Variants in SEMA6C observed in about 807,000 individuals in gnomAD.
SEMA6C encodes the protein semaphorin-6C.
SEMA6C carries 37 observed loss-of-function variants against 72.9 expected under a neutral mutation model. The ratio of observed to expected loss-of-function variants is 0.51; its 90% CI spans 0.39 to 0.67. SEMA6C has a LOEUF of 0.67. Among genes scored for constraint, SEMA6C ranks in the 30% least tolerant of loss-of-function variants. The pLI is 0.00. For synonymous variants in SEMA6C, 578 were observed against 554.1 expected (o/e 1.04, Z -0.61); for missense variants, 1,189 against 1,263.6 (o/e 0.94, Z 0.89).
At position 151,137,089 on chromosome 1, in the gene SEMA6C, T is replaced by A. The variant is rs932401656; in HGVS notation, c.757-15A>T. The A allele has an allele frequency of 1.2e-6, 2 of 1,608,498 alleles. No individual in the cohort carries two copies. Among genetic ancestry groups the A allele is most frequent in the Non-Finnish European group, 1.7e-6 (2 of 1,177,522 alleles). The stretch of plus-strand genomic sequence containing the variant: ...GAGAACTGCACCTAGGGGAGGAGAG[T>A]GGAGTAGACAATGGTGAGACAGACC... On this transcript the variant is annotated splice_polypyrimidine_tract_variant and intron_variant, in intron 10 of 18. Coordinates refer to ENST00000368914, the MANE Select transcript of SEMA6C (RefSeq NM_030913.6).
chr1:151,133,249 C>T lies in SEMA6C; in HGVS notation c.2028G>A (p.Thr676=). 1 of 1,573,848 alleles carries T rather than the reference C, an allele frequency of 6.4e-7. No homozygotes were observed. Among genetic ancestry groups the T allele is most frequent in the Non-Finnish European group, 8.6e-7 (1 of 1,165,752 alleles). Residue 676 remains threonine (T), a synonymous_variant, in exon 19 of 19, where the codon ACG becomes ACA. Coordinates refer to ENST00000368914, the MANE Select transcript of SEMA6C (RefSeq NM_030913.6). This position sits in a 1 kb window ranked among gnomAD's most constrained non-coding sequence, Gnocchi z 5.9. ...GCAGGAAGGTGGTGTAGAGCTGCGG[C>T]GTCTGCACCGCGTCCCCGTCCTTGG... The part of the protein sequence containing the change: ...PPSKDGDAVQ[T]PQLYTTFLPP...
At chr1:151,139,836 C>T in intron 4 of SEMA6C, 135 bp from the exon 5 acceptor site, 1 of 1,227,940 alleles carries the variant, frequency 8.1e-7, no homozygotes, top group South Asian at 1.4e-5. Context: ...GGCATTTGTG[C>T]TCTGGGTCCA....
Position 151,143,030 on chromosome 1 carries a change from G to A in SEMA6C, c.-54-355C>T, listed in dbSNP as rs587635907. Among the ~76,000 whole-genome samples the A allele has an allele frequency of 7.2e-5, 11 of 152,300 alleles. No individual in the cohort carries two copies. The East Asian group carries it at 1.9e-3, about 27-fold the overall frequency. On this transcript the variant is annotated intron_variant, in intron 2 of 18. Transcript: ENST00000368914. The stretch of plus-strand genomic sequence containing the variant: ...TAACCCCTTCTCAGCTATAATTAGA[G>A]ACTGAAGCCTTAAAATTATAAATAG...
In SEMA6C at chr1:151,138,041, G is replaced by C. The variant is rs1326933491; in HGVS notation, c.612C>G (p.Ser204Arg). The C allele has an allele frequency of 6.2e-7, 1 of 1,614,072 alleles. No homozygotes were observed. Among genetic ancestry groups the C allele is most frequent in the African/African-American group, 1.3e-5 (1 of 74,924 alleles). ...AGCGGAGTGGGGGCTGGGGCCCAAG[G>C]CTTCTGTAAACTACAGCATCACTGG... ...FQASDAVVYRSLGPQPPLRSA... is the reference protein window; with the variant it reads ...FQASDAVVYRRLGPQPPLRSA... Residue 204 changes from serine to arginine, a missense_variant, in exon 9 of 19, where the codon AGC becomes AGG. Ser to Arg is a moderately radical substitution (Grantham distance 110, BLOSUM62 -1). Coordinates refer to ENST00000368914, the MANE Select transcript of SEMA6C (RefSeq NM_030913.6).
chr1:151,138,482 C>G (rs896115461), intron 7 of SEMA6C, 76 bp from the exon 8 acceptor site: 7 of 1,470,098 alleles, frequency 4.8e-6, no homozygotes, highest in Non-Finnish European at 5.6e-6. Context: ...CCCTCCTGTC[C>G]CGTTGCCTCC....
intron 1 of SEMA6C, among the ~76,000 whole-genome samples, 182 bp from the exon 2 acceptor site, chr1:151,144,616 G>C (rs1380915255): frequency 6.6e-6 from 1 of 152,164 alleles, no homozygotes; most frequent in Non-Finnish European, 1.5e-5. Flanking sequence ...GGTGCTGGTG[G>C]CTTTATGCCC....
At position 151,135,190 on chromosome 1, in the gene SEMA6C, C is replaced by A. The variant is rs201512773; in HGVS notation, c.1553G>T (p.Arg518Leu). The A allele has an allele frequency of 6.2e-7, 1 of 1,613,960 alleles. No homozygotes were observed. Among genetic ancestry groups the A allele is most frequent in the Non-Finnish European group, 8.5e-7 (1 of 1,179,964 alleles). Reference protein sequence around the residue: ...SGCIVYLPLSRCARHGACQRS... With the variant: ...SGCIVYLPLSLCARHGACQRS... ...CTGACAGGCCCCATGCCGGGCACAC[C>A]GGCTGAGAGGGAGGTAGACAATACA... The change falls in exon 15 of 19, where the codon CGG becomes CTG. Residue 518 changes from arginine to leucine, a missense_variant. By Grantham distance (102) the Arg-to-Leu change is moderately radical (BLOSUM62 -2). Around this residue, in one of 2 missense-constraint regions of SEMA6C, gnomAD observed 721 missense variants for 686.2 expected, o/e 1.05. Coordinates refer to ENST00000368914, the MANE Select transcript of SEMA6C (RefSeq NM_030913.6).
At chr1:151,139,328 G>A in intron 6 of SEMA6C, 97 bp downstream of exon 6, 2 of 1,014,222 alleles carry the variant, frequency 2.0e-6, no homozygotes, top group Non-Finnish European at 3.1e-6. Flanking sequence ...GATGGAAAAA[G>A]TGTGAAGGAA....
rs758929240 is a variant in SEMA6C, at chr1:151,134,651, G to T, written c.1683C>A (p.Asn561Lys). The change falls in exon 17 of 19, where the codon AAC (asparagine) becomes AAA (lysine). Residue 561 changes from asparagine to lysine, a missense_variant. Asn to Lys is a moderately conservative substitution (Grantham distance 94). Coordinates refer to ENST00000368914, the MANE Select transcript of SEMA6C (RefSeq NM_030913.6). ...SGGTDVDQAG[N>K]QESMEHGDCQ... The stretch of plus-strand genomic sequence containing the variant: ...AGTCACCATGCTCCATGGATTCCTG[G>T]TTCCCAGCCTGATCCACATCAGTCC... The T allele has an allele frequency of 6.2e-7, 1 of 1,614,166 alleles. No individual in the cohort carries two copies. Among genetic ancestry groups the T allele is most frequent in the Admixed American group, 1.7e-5 (1 of 60,028 alleles).
intron 6 of SEMA6C, 87 bp from the exon 7 acceptor site, chr1:151,138,818 C>T (rs587635695): frequency 8.3e-6 from 9 of 1,089,210 alleles, no homozygotes; most frequent in East Asian, 2.4e-5. Flanking sequence ...ACAGGGCGGG[C>T]GTGGTGGCTC....
Position 151,132,502 on chromosome 1 carries a change from GC to G in SEMA6C, c.2774del (p.Gly925AlafsTer74). 1 of 1,549,098 alleles carries G rather than the reference GC, an allele frequency of 6.5e-7. No individual in the cohort carries two copies. Among genetic ancestry groups the G allele is most frequent in the Non-Finnish European group, 8.7e-7 (1 of 1,146,238 alleles). Reference sequence around the variant, plus strand: ...GCTCCCTTTAAAAGTTGAAACGGCCGCCGTTCGGGACGGCCTGGCGGGAGGA... The same window carrying G: ...GCTCCCTTTAAAAGTTGAAACGGCCGCGTTCGGGACGGCCTGGCGGGAGGA... ...GPSSRQAVPN[G>X]GRFNF On this transcript the variant is annotated frameshift_variant, in exon 19 of 19. Transcript: ENST00000368914. LOFTEE classifies it high-confidence loss of function.
At position 151,134,431 on chromosome 1, in the gene SEMA6C, T is replaced by TC; in HGVS notation, c.1728dup (p.Ser577GlufsTer451). The TC allele has an allele frequency of 6.3e-7, 1 of 1,599,310 alleles. No individual in the cohort carries two copies. The highest frequency in any genetic ancestry group is 8.5e-7 in the Non-Finnish European group (1 of 1,172,552). On this transcript the variant is annotated frameshift_variant, in exon 18 of 19. Coordinates refer to ENST00000368914, the MANE Select transcript of SEMA6C (RefSeq NM_030913.6). LOFTEE classifies it low-confidence loss of function (END_TRUNC). ...GCAGAATCCCCAGGGCCAGACTGAC[T>TC]CCCAGTAGCTCCATCTATGAAGAAG...
chr1:151,134,711 C>T (rs1470221937), intron 16 of SEMA6C, 36 bp from the exon 17 acceptor site: 10 of 1,613,128 alleles, frequency 6.2e-6, no homozygotes, highest in Admixed American at 1.7e-5. Flanking sequence ...GAATTCTGTA[C>T]GTTGTCCGTA....
In SEMA6C at chr1:151,137,717, C is replaced by A; in HGVS notation, c.750G>T (p.Leu250=). The change falls in exon 10 of 19, where the codon CTG becomes CTT. Residue 250 remains leucine, a synonymous_variant. Coordinates refer to ENST00000368914, the MANE Select transcript of SEMA6C (RefSeq NM_030913.6). ...CTGATGCCCACCTCCTTACCCTCCC[C>A]AGCCGAGCATCCTCCACAGAGACCT... ...FREVSVEDAR[L]GRVQFSRVAR... is the part of the protein sequence containing the mutation. 1 of 1,612,338 alleles carries A rather than the reference C, an allele frequency of 6.2e-7. No homozygotes were observed. The highest frequency in any genetic ancestry group is 1.1e-5 in the South Asian group (1 of 90,968).
Position 151,133,637 on chromosome 1 carries a change from C to T in SEMA6C, c.1760-120G>A, listed in dbSNP as rs12058128. 105,909 of 1,411,590 alleles carry T rather than the reference C, an allele frequency of 0.075. 4,482 individuals carry two copies. The highest frequency in any genetic ancestry group is 0.15 in the African/African-American group (10,645 of 68,810). 87.4% of individuals were successfully genotyped at this position (1,411,590 alleles called of 1,614,324 possible). On this transcript the variant is annotated intron_variant, in intron 18 of 18. Transcript: ENST00000368914. The surrounding 1 kb of genome is among the most constrained non-coding windows in gnomAD (Gnocchi z 5.9). Reference sequence around the variant, plus strand: ...ATCGTCCCTCCCGCTGCTACTCAGCCTCACTCCTACAGCCTCCACCATCCT... The same window carrying T: ...ATCGTCCCTCCCGCTGCTACTCAGCTTCACTCCTACAGCCTCCACCATCCT...
chr1:151,142,817 T>G (rs1682661229), intron 2 of SEMA6C, 142 bp from the exon 3 acceptor site: 2 of 523,586 alleles, frequency 3.8e-6, no homozygotes, highest in African/African-American at 2.0e-5. Flanking sequence ...ACTGCCCCAG[T>G]TCCAGCCAGC....
At chr1:151,135,972 G>C (rs1317943494) in intron 13 of SEMA6C, 39 bp downstream of exon 13, 1 of 1,612,868 alleles carries the variant, frequency 6.2e-7, no homozygotes, top group Admixed American at 1.7e-5. Flanking sequence ...GGGTGGCTGA[G>C]AACAGGGAGG....
intron 2 of SEMA6C, among the ~76,000 whole-genome samples, chr1:151,143,902 C>T (rs1327490027): frequency 6.6e-6 from 1 of 152,170 alleles, no homozygotes; most frequent in Non-Finnish European, 1.5e-5. Flanking sequence ...AGACCCTAAG[C>T]TTCCAGGCCA....
Position 151,132,095 on chromosome 1 carries a change from A to C in SEMA6C, c.*389T>G. On this transcript the variant is annotated 3_prime_UTR_variant, in exon 19 of 19. Transcript: ENST00000368914. ...TATTGGGAAGCGGAGGCTCCTACAC[A>C]GTAGGAGAGGCACGTCCCAGACCCA... 4.0e-6 allele frequency: 3 copies of C among 749,546 alleles called. No homozygotes were observed. The highest frequency in any genetic ancestry group is 6.1e-5 in the East Asian group (1 of 16,490). The allele number at this position is 749,546 out of a possible 1,614,324, so 46.4% of individuals were successfully genotyped here.
Sources: gnomAD v4.1 joint callset for allele counts (sites outside exome capture counted in the v4.1 genomes callset) on GRCh38, gnomAD v4.1.1 for gene constraint, gnomAD v4.1.1 regional missense constraint, Gnocchi (gnomAD v3.1) non-coding constraint, MANE v1.5 for transcripts, NCBI Gene and HGNC (gene_info 2026-07-23, HGNC 2026-07-21) for gene names.